The following CDH8 variants were observed in gnomAD, a reference collection of about 807,000 sequenced individuals.
CDH8 encodes the protein cadherin 8.
Under a neutral mutation model 68.1 loss-of-function variants are expected in CDH8, and 17 were observed. The observed-to-expected ratio is 0.25, with a 90% CI of 0.17 to 0.37. CDH8 has a LOEUF of 0.37. Ranked by LOEUF, CDH8 falls within the 10% of genes least tolerant of loss-of-function variation. CDH8 has a pLI of 1.00. For synonymous variants in CDH8, 372 were observed against 365.1 expected, an observed-to-expected ratio of 1.02 and a Z score of -0.21; for missense variants, 763 against 999.3, an observed-to-expected ratio of 0.76 and a Z score of 3.19.
chr16:61,716,998 G>A (rs1039010982), intron 9 of CDH8, among the ~76,000 whole-genome samples: 2 of 151,736 alleles, frequency 1.3e-5, no homozygotes, highest in South Asian at 2.1e-4. Flanking sequence ...TTGACATACC[G>A]AGTAGAGGGC....
intron 2 of CDH8, among the ~76,000 whole-genome samples, chr16:61,930,650 GA>G (rs1964527616): frequency 6.6e-6 from 1 of 152,152 alleles, no homozygotes; most frequent in South Asian, 2.1e-4. Context: ...TATGTGTTAA[GA>G]ACTATGTGGA....
At chr16:61,781,023 T>C (rs1196982517) in intron 8 of CDH8, among the ~76,000 whole-genome samples, 1 of 152,240 alleles carries the variant, frequency 6.6e-6, no homozygotes, top group African/African-American at 2.4e-5. Flanking sequence ...CTTAAGATGT[T>C]TGACATGAAT....
In CDH8 at chr16:61,647,883, T is replaced by C. The variant is rs1963239246; in HGVS notation, c.*5725A>G. 2 of 698,528 alleles carry C rather than the reference T, an allele frequency of 2.9e-6. No homozygotes were observed. Among genetic ancestry groups the C allele is most frequent in the African/African-American group, 3.5e-5 (2 of 56,976 alleles). The allele number at this position is 698,528 out of a possible 1,614,324, so 43.3% of individuals were successfully genotyped here. A position where few individuals can be genotyped will look rare whatever the true frequency, so the allele number is the denominator to read the frequency against. ...GATATTCCTCCTAGCAACCCTCTTCTGTAATCTGTGGATAATAATAGAAAT... is the reference window on the plus strand; with the variant it reads ...GATATTCCTCCTAGCAACCCTCTTCCGTAATCTGTGGATAATAATAGAAAT... On this transcript the variant is annotated 3_prime_UTR_variant, in exon 12 of 12. Coordinates refer to ENST00000577390, the MANE Select transcript of CDH8 (RefSeq NM_001796.5).
intron 3 of CDH8, among the ~76,000 whole-genome samples, chr16:61,862,175 T>G (rs1963163412): frequency 6.6e-6 from 1 of 150,878 alleles, no homozygotes; most frequent in Non-Finnish European, 1.5e-5. Flanking sequence ...ACACAGTATC[T>G]CATTATCTCA....
Position 61,825,068 on chromosome 16 carries a change from G to A in CDH8, c.779C>T (p.Thr260Met), listed in dbSNP as rs755904552. Residue 260 changes from threonine to methionine, a missense_variant, in exon 5 of 12, where the codon ACG becomes ATG. Thr to Met is a moderately conservative substitution (Grantham distance 81, BLOSUM62 -1). Around this residue, in one of 2 missense-constraint regions of CDH8, gnomAD observed 366 missense variants for 563.1 expected, o/e 0.65. Transcript: ENST00000577390. ...GGHSGGLSGTTTLTVTLTDVN... is the reference protein window; with the variant it reads ...GGHSGGLSGTMTLTVTLTDVN... The stretch of plus-strand genomic sequence containing the variant: ...ATCAGTAAGAGTCACTGTAAGTGTC[G>A]TGGTCCCAGACAGGCCACCAGAGTG... The A allele has an allele frequency of 3.7e-6, 6 of 1,611,798 alleles. No homozygotes were observed. Among genetic ancestry groups the A allele is most frequent in the East Asian group, 4.5e-5 (2 of 44,800 alleles).
At chr16:61,939,852 T>C (rs1445008278) in intron 2 of CDH8, among the ~76,000 whole-genome samples, 5 of 152,176 alleles carry the variant, frequency 3.3e-5, no homozygotes. Context: ...ATAAGCATTA[T>C]TTGTCACATG....
At chr16:61,714,526 C>T (rs1297725804) in intron 9 of CDH8, among the ~76,000 whole-genome samples, 2 of 151,518 alleles carry the variant, frequency 1.3e-5, no homozygotes, top group South Asian at 2.1e-4. Context: ...GCAAACAATG[C>T]TTTGGAGTGT....
At chr16:61,765,064 C>T (rs78924381) in intron 8 of CDH8, among the ~76,000 whole-genome samples, 95 of 152,086 alleles carry the variant, frequency 6.2e-4, no homozygotes, top group African/African-American at 2.1e-3. Context: ...GACATCATTG[C>T]CATTAGTCTA....
At chr16:61,757,181 C>T (rs1219023574) in intron 8 of CDH8, among the ~76,000 whole-genome samples, 2 of 152,008 alleles carry the variant, frequency 1.3e-5, no homozygotes, top group Non-Finnish European at 2.9e-5. Flanking sequence ...GAAACATTCC[C>T]GGGTCACACA....
intron 3 of CDH8, among the ~76,000 whole-genome samples, chr16:61,900,094 AT>A (rs1963942618): frequency 6.6e-6 from 1 of 152,250 alleles, no homozygotes; most frequent in Middle Eastern, 3.4e-3. Context: ...GAGCAACTTA[AT>A]TTTATAAAAC....
intron 9 of CDH8, among the ~76,000 whole-genome samples, chr16:61,722,581 G>A (rs897257141): frequency 8.0e-5 from 12 of 150,798 alleles, no homozygotes; most frequent in African/African-American, 2.7e-4. Context: ...TTCATCTGAA[G>A]AGGTTAGCAT....
At chr16:61,911,769 T>C (rs1395551839) in intron 2 of CDH8, among the ~76,000 whole-genome samples, 2 of 151,922 alleles carry the variant, frequency 1.3e-5, no homozygotes, top group African/African-American at 2.4e-5. Flanking sequence ...AGTGAAGTAA[T>C]AAATGATGAA....
chr16:61,748,191 T>A (rs1361237342), intron 8 of CDH8, among the ~76,000 whole-genome samples: 1 of 150,628 alleles, frequency 6.6e-6, no homozygotes, highest in Non-Finnish European at 1.5e-5. Context: ...CCTACTCCAT[T>A]AATAATCTAT....
At chr16:61,841,607 AC>A (rs1962685087) in intron 4 of CDH8, among the ~76,000 whole-genome samples, 2 of 152,182 alleles carry the variant, frequency 1.3e-5, no homozygotes, top group Non-Finnish European at 2.9e-5. Flanking sequence ...ATTTGATAGC[AC>A]AATAGAGTGA....
chr16:61,730,162 A>G (rs1432231098), intron 8 of CDH8, among the ~76,000 whole-genome samples: 2 of 151,570 alleles, frequency 1.3e-5, no homozygotes, highest in Admixed American at 1.3e-4. Flanking sequence ...TCTTCAACCT[A>G]GATGACCAAC....
chr16:61,684,881 T>C (rs184665864), intron 10 of CDH8, among the ~76,000 whole-genome samples: 71 of 152,130 alleles, frequency 4.7e-4, no homozygotes, highest in Non-Finnish European at 8.8e-4. Flanking sequence ...TTGGCCTCTT[T>C]TGATTTTAAC....
At chr16:61,960,969 G>T (rs1295214766) in intron 2 of CDH8, among the ~76,000 whole-genome samples, 1 of 152,006 alleles carries the variant, frequency 6.6e-6, no homozygotes, top group African/African-American at 2.4e-5. Context: ...TTCTCCTCCT[G>T]TCTCCCTACA....
chr16:61,812,926 A>G lies in CDH8; in HGVS notation c.1277+4553T>C, dbSNP rs548516034. On this transcript the variant is annotated intron_variant, in intron 7 of 11. Coordinates refer to ENST00000577390, the MANE Select transcript of CDH8 (RefSeq NM_001796.5). ...TCTTTATAAAACTGAAATCATACTA[A>G]GTATTTCTTGGTGTCATTTGTAAGA... Among the ~76,000 whole-genome samples, 76 of 152,284 alleles carry G rather than the reference A, an allele frequency of 5.0e-4. 1 individual carries two copies. Among genetic ancestry groups the G allele is most frequent in the African/African-American group, 1.8e-3 (76 of 41,558 alleles).
chr16:61,908,000 G>A (rs550579380), intron 2 of CDH8, among the ~76,000 whole-genome samples: 3 of 140,604 alleles, frequency 2.1e-5, no homozygotes, highest in Admixed American at 7.5e-5. Context: ...CCAATATTGC[G>A]CCACTGCACT....
Sources: gnomAD v4.1 joint callset for allele counts (sites outside exome capture counted in the v4.1 genomes callset) on GRCh38, gnomAD v4.1.1 for gene constraint, gnomAD v4.1.1 regional missense constraint, MANE v1.5 for transcripts, NCBI Gene and HGNC (gene_info 2026-07-23, HGNC 2026-07-21) for gene names.